The following AGPAT3 variants were observed in gnomAD, a reference collection of about 807,000 sequenced individuals.
The protein encoded by AGPAT3 is 1-acyl-sn-glycerol-3-phosphate acyltransferase gamma.
AGPAT3 carries 5 observed loss-of-function variants against 47.3 expected under a neutral mutation model. The ratio of observed to expected loss-of-function variants is 0.11; its 90% CI spans 0.06 to 0.22. The LOEUF is 0.22. Ranked by LOEUF, AGPAT3 falls within the 10% of genes least tolerant of loss-of-function variation. The pLI, the probability that AGPAT3 is intolerant of heterozygous loss-of-function variation, is 1.00. For missense variants in AGPAT3, 315 were observed against 493.0 expected (o/e 0.64, Z 3.42); for synonymous variants, 212 against 208.3 (o/e 1.02, Z -0.15).
rs1004035079 is a variant in AGPAT3, at chr21:43,910,787, A to C, written c.-49+6768A>C. ...CGTGAAGTCAGGTATTCTGCAAGGG[A>C]AGCTTTTTTCTTAAGAAACAAATCT... On this transcript the variant is annotated intron_variant, in intron 2 of 9. Transcript: ENST00000291572. Among the ~76,000 whole-genome samples the C allele has an allele frequency of 7.2e-5, 11 of 152,308 alleles. No individual in the cohort carries two copies. The East Asian group carries it at 2.1e-3, about 29-fold the overall frequency.
intron 2 of AGPAT3, among the ~76,000 whole-genome samples, chr21:43,944,299 C>T (rs979073570): frequency 2.0e-5 from 3 of 152,232 alleles, no homozygotes; most frequent in Admixed American, 6.5e-5. Context: ...CCCGGGCTGG[C>T]CCTGCATTGC....
chr21:43,975,478 G>T (rs910946771), intron 7 of AGPAT3, among the ~76,000 whole-genome samples: 3 of 152,190 alleles, frequency 2.0e-5, no homozygotes, highest in Non-Finnish European at 2.9e-5. Flanking sequence ...TTCTGATGGG[G>T]TGAGGATCCA....
chr21:43,873,468 C>T (rs186537582), intron 1 of AGPAT3, among the ~76,000 whole-genome samples: 1 of 152,282 alleles, frequency 6.6e-6, no homozygotes, highest in African/African-American at 2.4e-5. Flanking sequence ...TCCTCTGCCT[C>T]CCGGGTTCAA....
At position 43,932,474 on chromosome 21, in the gene AGPAT3, G is replaced by A. The variant is rs532802102; in HGVS notation, c.-48-27160G>A. ...CCTTATGGCTGAATAATAACACGGC[G>A]TTACGCACCGCACGCTCGCTATCCA... On this transcript the variant is annotated intron_variant, in intron 2 of 9. Coordinates refer to ENST00000291572, the MANE Select transcript of AGPAT3 (RefSeq NM_020132.5). This position sits in a 1 kb window ranked among gnomAD's most constrained non-coding sequence, Gnocchi z 5.2. 3.3e-5 allele frequency among the ~76,000 whole-genome samples: 5 copies of A among 152,348 alleles called. No homozygotes were observed. In the East Asian group the frequency reaches 5.8e-4, roughly 18 times the overall value.
intron 1 of AGPAT3, among the ~76,000 whole-genome samples, chr21:43,901,047 A>G (rs966079445): frequency 2.0e-5 from 3 of 152,222 alleles, no homozygotes; most frequent in Non-Finnish European, 2.9e-5. Context: ...CCCACCTGCA[A>G]TTCCAGCCCT....
intron 1 of AGPAT3, among the ~76,000 whole-genome samples, chr21:43,869,344 G>A (rs952604276): frequency 1.3e-5 from 2 of 152,192 alleles, no homozygotes; most frequent in Non-Finnish European, 2.9e-5. Flanking sequence ...GATTGATTGA[G>A]TGAACAAATG....
chr21:43,955,988 C>T lies in AGPAT3; in HGVS notation c.-48-3646C>T, dbSNP rs574143668. Among the ~76,000 whole-genome samples the T allele has an allele frequency of 5.3e-5, 8 of 152,148 alleles. No individual in the cohort carries two copies. The highest frequency in any genetic ancestry group is 3.4e-3 in the Middle Eastern group (1 of 294). ...CTGTGGAGCCCGGGCATCTGCTTCTCGGAGCATCACAGCTGATGTGCTGGC... is the reference window on the plus strand; with the variant it reads ...CTGTGGAGCCCGGGCATCTGCTTCTTGGAGCATCACAGCTGATGTGCTGGC... On this transcript the variant is annotated intron_variant, in intron 2 of 9. Coordinates refer to ENST00000291572, the MANE Select transcript of AGPAT3 (RefSeq NM_020132.5). The surrounding 1 kb of genome is among the most constrained non-coding windows in gnomAD (Gnocchi z 4.1).
intron 7 of AGPAT3, among the ~76,000 whole-genome samples, chr21:43,976,492 G>A (rs1485061115): frequency 1.3e-5 from 2 of 152,212 alleles, no homozygotes; most frequent in African/African-American, 4.8e-5. Flanking sequence ...GAGCCACTGT[G>A]CCCGGCTGAA....
chr21:43,934,754 A>G lies in AGPAT3; in HGVS notation c.-48-24880A>G, dbSNP rs1176312010. Among the ~76,000 whole-genome samples, 1 of 151,980 alleles carries G rather than the reference A, an allele frequency of 6.6e-6. No individual in the cohort carries two copies. Among genetic ancestry groups the G allele is most frequent in the Non-Finnish European group, 1.5e-5 (1 of 67,982 alleles). On this transcript the variant is annotated intron_variant, in intron 2 of 9. Coordinates refer to ENST00000291572, the MANE Select transcript of AGPAT3 (RefSeq NM_020132.5). This position sits in a 1 kb window ranked among gnomAD's most constrained non-coding sequence, Gnocchi z 4.7. ...CAAAGCAAGCCACGCCATGCCACCC[A>G]CGTGCTGCCATATCACATCACGCCA... is the stretch of plus-strand genomic sequence containing the variant.
At chr21:43,874,192 A>G (rs1569039685) in intron 1 of AGPAT3, among the ~76,000 whole-genome samples, 1 of 152,046 alleles carries the variant, frequency 6.6e-6, no homozygotes, top group Non-Finnish European at 1.5e-5. Flanking sequence ...TGCCTGGCTA[A>G]CTATTGTATT....
In AGPAT3 at chr21:43,961,835, C is replaced by T. The variant is rs559821765; in HGVS notation, c.178+1976C>T. ...TGGCTGGCCTGTAACCTTGTCTGCA[C>T]GATCTCCTTCCAGTTCAGGAGCCGG... On this transcript the variant is annotated intron_variant, in intron 3 of 9. Transcript: ENST00000291572. Among the ~76,000 whole-genome samples the T allele has an allele frequency of 3.9e-5, 6 of 152,314 alleles. No individual in the cohort carries two copies. In the East Asian group the frequency reaches 7.7e-4, roughly 20 times the overall value.
Position 43,926,300 on chromosome 21 carries a change from AG to A in AGPAT3, c.-49+22286del, listed in dbSNP as rs1364314118. On this transcript the variant is annotated intron_variant, in intron 2 of 9. Transcript: ENST00000291572. ...GTTCTTGAGTAACGCACTGGCGCCAAGGGGGTGCTGAGCCTTCGCTCTGCCG... is the reference window on the plus strand; with the variant it reads ...GTTCTTGAGTAACGCACTGGCGCCAAGGGGTGCTGAGCCTTCGCTCTGCCG... Among the ~76,000 whole-genome samples, 8 of 152,168 alleles carry A rather than the reference AG, an allele frequency of 5.3e-5. No homozygotes were observed. The South Asian group carries it at 1.2e-3, about 24-fold the overall frequency.
At chr21:43,977,737 A>C (rs2089672869) in intron 7 of AGPAT3, among the ~76,000 whole-genome samples, 1 of 152,162 alleles carries the variant, frequency 6.6e-6, no homozygotes, top group African/African-American at 2.4e-5. Flanking sequence ...AAGAAAAAAA[A>C]TTAGCTGGGC....
chr21:43,957,779 C>T (rs2088560545), intron 2 of AGPAT3, among the ~76,000 whole-genome samples: 1 of 151,372 alleles, frequency 6.6e-6, no homozygotes, highest in Non-Finnish European at 1.5e-5. Context: ...GGGTTTCCCC[C>T]TGCACATGGG....
At chr21:43,877,016 G>A (rs1273590733) in intron 1 of AGPAT3, among the ~76,000 whole-genome samples, 5 of 151,930 alleles carry the variant, frequency 3.3e-5, no homozygotes, top group Non-Finnish European at 5.9e-5. Flanking sequence ...ATGCCATCAC[G>A]CCCAGCTAAT....
chr21:43,885,868 C>T lies in AGPAT3; in HGVS notation c.-111-18089C>T, dbSNP rs986018804. Reference sequence around the variant, plus strand: ...GCAGGGCTCCTGTGGGTGAGGGCACCGTGGCTCAGGGATGGGTAAGCAGTG... The same window carrying T: ...GCAGGGCTCCTGTGGGTGAGGGCACTGTGGCTCAGGGATGGGTAAGCAGTG... On this transcript the variant is annotated intron_variant, in intron 1 of 9. Coordinates refer to ENST00000291572, the MANE Select transcript of AGPAT3 (RefSeq NM_020132.5). 2.6e-5 allele frequency among the ~76,000 whole-genome samples: 4 copies of T among 152,160 alleles called. 1 individual carries two copies. The highest frequency in any genetic ancestry group is 4.4e-5 in the Non-Finnish European group (3 of 68,022).
intron 1 of AGPAT3, among the ~76,000 whole-genome samples, chr21:43,888,301 A>G (rs2086025419): frequency 6.6e-6 from 1 of 152,192 alleles, no homozygotes; most frequent in Non-Finnish European, 1.5e-5. Flanking sequence ...CAGCCTTCCA[A>G]AATGTTGGAA....
At chr21:43,979,644 C>G (rs1350275874) in intron 8 of AGPAT3, among the ~76,000 whole-genome samples, 1 of 152,204 alleles carries the variant, frequency 6.6e-6, no homozygotes, top group African/African-American at 2.4e-5. Context: ...CCTTTCTCCT[C>G]TTGGGCTCAA....
chr21:43,907,711 C>T lies in AGPAT3; in HGVS notation c.-49+3692C>T, dbSNP rs551346599. On this transcript the variant is annotated intron_variant, in intron 2 of 9. Transcript: ENST00000291572. The stretch of plus-strand genomic sequence containing the variant: ...CAGCCTGGGCGACAGAGCGAGACTC[C>T]GTCTCAACAACAACAACAACAAAAA... Among the ~76,000 whole-genome samples, 25 of 152,274 alleles carry T rather than the reference C, an allele frequency of 1.6e-4. No individual in the cohort carries two copies. In the East Asian group the frequency reaches 2.5e-3, roughly 15 times the overall value.
Sources: allele counts gnomAD v4.1 joint callset (sites outside exome capture counted in the v4.1 genomes callset), GRCh38; gene constraint gnomAD v4.1.1; non-coding constraint Gnocchi (gnomAD v3.1); transcripts MANE v1.5; gene names NCBI Gene and HGNC (gene_info 2026-07-23, HGNC 2026-07-21).